The following MTHFD1L variants were observed in gnomAD, a reference collection of about 807,000 sequenced individuals.
The protein encoded by MTHFD1L is monofunctional C1-tetrahydrofolate synthase, mitochondrial.
MTHFD1L carries 81 observed loss-of-function variants against 119.5 expected under a neutral mutation model. That is an observed-to-expected ratio of 0.68 (90% CI 0.57 to 0.82). MTHFD1L has a LOEUF of 0.82. Ranked by LOEUF, MTHFD1L falls within the 40% of genes least tolerant of loss-of-function variation. The pLI is 0.00. For missense variants in MTHFD1L, 1,125 were observed against 1,253.4 expected, an observed-to-expected ratio of 0.90 and a Z score of 1.55; for synonymous variants, 430 against 475.2, an observed-to-expected ratio of 0.90 and a Z score of 1.24.
chr6:151,058,877 A>G (rs1331503987), intron 26 of MTHFD1L, among the ~76,000 whole-genome samples: 7 of 152,226 alleles, frequency 4.6e-5, no homozygotes, highest in African/African-American at 9.7e-5. Flanking sequence ...GGGTTTCACC[A>G]TATTGGCCAG....
intron 1 of MTHFD1L, among the ~76,000 whole-genome samples, chr6:150,867,820 C>T (rs956673335): frequency 3.3e-5 from 4 of 120,936 alleles, no homozygotes; most frequent in Non-Finnish European, 3.3e-5. Context: ...TTTTTTGAGA[C>T]GGAGTCTTGC....
At chr6:151,091,880 A>G (rs745984891) in intron 26 of MTHFD1L, among the ~76,000 whole-genome samples, 2 of 152,158 alleles carry the variant, frequency 1.3e-5, no homozygotes, top group Non-Finnish European at 2.9e-5. Context: ...TGTAAAATGG[A>G]AATAATAAAA....
intron 16 of MTHFD1L, 95 bp from the exon 17 acceptor site, chr6:150,955,900 C>T (rs1795568251): frequency 1.9e-6 from 2 of 1,044,534 alleles, no homozygotes; most frequent in Non-Finnish European, 3.0e-6. Flanking sequence ...TCTCTTTCAC[C>T]CTCTGCAACT....
chr6:151,095,132 A>G (rs17080769), intron 27 of MTHFD1L, among the ~76,000 whole-genome samples: 10,946 of 152,256 alleles, frequency 0.072, 1,303 homozygotes, highest in African/African-American at 0.25. Flanking sequence ...CCATAACTGC[A>G]TCTTTGATCT....
At chr6:150,948,769 T>C (rs2128968895) in intron 15 of MTHFD1L, among the ~76,000 whole-genome samples, 2 of 148,800 alleles carry the variant, frequency 1.3e-5, no homozygotes, top group South Asian at 2.2e-4. Context: ...GTTTCCCAAG[T>C]AGCTGGGATT....
At chr6:150,869,838 A>G (rs1779096459) in intron 1 of MTHFD1L, among the ~76,000 whole-genome samples, 1 of 152,212 alleles carries the variant, frequency 6.6e-6, no homozygotes, top group African/African-American at 2.4e-5. Context: ...CCTCAAAAGC[A>G]TAGTGACCTG....
At chr6:151,065,833 G>A (rs1218922394) in intron 26 of MTHFD1L, among the ~76,000 whole-genome samples, 3 of 152,348 alleles carry the variant, frequency 2.0e-5, no homozygotes, top group African/African-American at 7.2e-5. Flanking sequence ...GACCAGGATA[G>A]GAGTGCTGAT....
chr6:150,892,372 T>C (rs1232565492), intron 7 of MTHFD1L, among the ~76,000 whole-genome samples: 1 of 152,238 alleles, frequency 6.6e-6, no homozygotes, highest in Non-Finnish European at 1.5e-5. Flanking sequence ...ATGAATCTCA[T>C]CTGAACTTTG....
Position 151,012,872 on chromosome 6 carries a change from TCTC to T in MTHFD1L, c.2266-904_2266-902del, listed in dbSNP as rs1052527845. ...TGAAGGCAGCAGTCTGCTGGAGAAT[TCTC>T]CTGCTCTCAGGGGAGGCCAGTCTTT... On this transcript the variant is annotated intron_variant, in intron 21 of 27. Transcript: ENST00000367321. 4.6e-5 allele frequency among the ~76,000 whole-genome samples: 7 copies of T among 152,120 alleles called. 1 individual carries two copies. Among genetic ancestry groups the T allele is most frequent in the East Asian group, 1.9e-4 (1 of 5,164 alleles).
At chr6:150,961,764 C>T (rs138017184) in intron 18 of MTHFD1L, among the ~76,000 whole-genome samples, 45 of 152,216 alleles carry the variant, frequency 3.0e-4, no homozygotes, top group African/African-American at 8.9e-4. Context: ...CTATGGAATA[C>T]TTAGTATAAA....
chr6:150,944,078 G>A (rs803446), intron 13 of MTHFD1L, among the ~76,000 whole-genome samples: 29,070 of 152,144 alleles, frequency 0.19, 3,069 homozygotes, highest in Middle Eastern at 0.28. Context: ...TTGTTGTCAC[G>A]TGGAAGGCTT....
In MTHFD1L at chr6:151,069,326, T is replaced by C. The variant is rs1157704588; in HGVS notation, c.2848-23141T>C. Among the ~76,000 whole-genome samples the C allele has an allele frequency of 2.0e-5, 3 of 151,008 alleles. No homozygotes were observed. The East Asian group carries it at 5.9e-4, about 30-fold the overall frequency. On this transcript the variant is annotated intron_variant, in intron 26 of 27. Coordinates refer to ENST00000367321, the MANE Select transcript of MTHFD1L (RefSeq NM_015440.5). ...GGGACCTCCCTAATCCTCCAGGTTGTACAGCCAGGAAGGGTAAGGTATTGT... is the reference window on the plus strand; with the variant it reads ...GGGACCTCCCTAATCCTCCAGGTTGCACAGCCAGGAAGGGTAAGGTATTGT...
intron 22 of MTHFD1L, among the ~76,000 whole-genome samples, chr6:151,014,343 G>A (rs567786495): frequency 5.9e-5 from 9 of 152,344 alleles, no homozygotes; most frequent in Admixed American, 4.6e-4. Flanking sequence ...TGTACTCCCA[G>A]GGTAGCCATC....
intron 26 of MTHFD1L, among the ~76,000 whole-genome samples, chr6:151,044,716 CT>C (rs1204958160): frequency 7.2e-5 from 11 of 152,140 alleles, no homozygotes; most frequent in Admixed American, 1.3e-4. Context: ...CTGGGTTGGC[CT>C]TTGTCCCCAC....
chr6:150,967,220 C>T (rs1003807981), intron 19 of MTHFD1L, among the ~76,000 whole-genome samples: 2 of 152,224 alleles, frequency 1.3e-5, no homozygotes, highest in African/African-American at 4.8e-5. Flanking sequence ...TTGTCCAGGT[C>T]ACTTTTCCCT....
chr6:151,010,440 A>AT (rs1782058882), intron 21 of MTHFD1L, among the ~76,000 whole-genome samples: 2 of 152,236 alleles, frequency 1.3e-5, no homozygotes, highest in South Asian at 4.1e-4. Flanking sequence ...AACTCATCAG[A>AT]TTTCATCTAA....
At position 150,956,003 on chromosome 6, in the gene MTHFD1L, A is replaced by G; in HGVS notation, c.1735A>G (p.Thr579Ala). The change falls in exon 17 of 28, where the codon ACA becomes GCA. Residue 579 changes from threonine (T) to alanine (A), a missense_variant. This residue lies in a region of MTHFD1L where 1,058 missense variants were observed against 1,151.2 expected (regional missense o/e 0.92). Transcript: ENST00000367321. ...AATCTGTTCTCTTTCAGTATTGGAT[A>G]CAAATGACCGATTTCTACGAAAAAT... ...STITWQRVLDTNDRFLRKITI... is the reference protein window; with the variant it reads ...STITWQRVLDANDRFLRKITI... The G allele has an allele frequency of 1.2e-6, 2 of 1,613,790 alleles. No homozygotes were observed. Among genetic ancestry groups the G allele is most frequent in the Non-Finnish European group, 1.7e-6 (2 of 1,179,650 alleles).
chr6:151,078,718 G>T (rs1355289675), intron 26 of MTHFD1L, among the ~76,000 whole-genome samples: 4 of 152,104 alleles, frequency 2.6e-5, no homozygotes, highest in Non-Finnish European at 5.9e-5. Flanking sequence ...TTGAAAGCCA[G>T]CAGGGGGGAT....
chr6:151,008,497 C>T (rs548477019), intron 20 of MTHFD1L, among the ~76,000 whole-genome samples: 13 of 144,082 alleles, frequency 9.0e-5, no homozygotes, highest in African/African-American at 2.7e-4. Flanking sequence ...GTGGGGAGCC[C>T]AAGATTCCAC....
Sources: allele counts gnomAD v4.1 joint callset (sites outside exome capture counted in the v4.1 genomes callset), GRCh38; gene constraint gnomAD v4.1.1; regional missense constraint gnomAD v4.1.1; transcripts MANE v1.5; gene names NCBI Gene and HGNC (gene_info 2026-07-23, HGNC 2026-07-21).